AGBL4: variants seen among roughly 807,000 people sequenced by gnomAD.
AGBL4 encodes AGBL carboxypeptidase 4.
Under a neutral mutation model 66.4 loss-of-function variants are expected in AGBL4, and 58 were observed. The ratio of observed to expected loss-of-function variants is 0.87; its 90% CI spans 0.71 to 1.09. The LOEUF is 1.09. Ranked by LOEUF, AGBL4 falls within the 50% of genes least tolerant of loss-of-function variation. The pLI is 0.00. For missense variants in AGBL4, 579 were observed against 631.0 expected (o/e 0.92, Z 0.88); for synonymous variants, 234 against 222.9 (o/e 1.05, Z -0.44).
At chr1:49,527,291 A>G (rs1260722268) in intron 3 of AGBL4, 2 of 151,936 alleles carry the variant, frequency 1.3e-5, no homozygotes, top group African/African-American at 4.8e-5. Context: ...TGCACCTTAT[A>G]TCTTAGTCCC....
intron 4 of AGBL4, among the ~76,000 whole-genome samples, chr1:49,148,800 C>T (rs1163322830): frequency 6.6e-6 from 1 of 152,214 alleles, no homozygotes; most frequent in Non-Finnish European, 1.5e-5. Context: ...GATGTAGAGA[C>T]AATCAGATGC....
intron 1 of AGBL4, among the ~76,000 whole-genome samples, chr1:49,909,944 G>A (rs1650652914): frequency 6.6e-6 from 1 of 152,172 alleles, no homozygotes; most frequent in Admixed American, 6.5e-5. Flanking sequence ...GGGCATATAT[G>A]TTTGGGAAGC....
At chr1:49,404,418 G>A (rs1645152781) in intron 3 of AGBL4, among the ~76,000 whole-genome samples, 1 of 152,172 alleles carries the variant, frequency 6.6e-6, no homozygotes, top group Non-Finnish European at 1.5e-5. Flanking sequence ...CTGGAACTGT[G>A]AGAACATAAA....
intron 1 of AGBL4, among the ~76,000 whole-genome samples, chr1:49,970,097 T>C (rs6679727): frequency 0.95 from 144,816 of 152,268 alleles, 69,238 homozygotes; most frequent in East Asian, 1. Context: ...CAAAAATTAA[T>C]CCAAAAGTGG....
intron 3 of AGBL4, among the ~76,000 whole-genome samples, chr1:49,452,169 T>C (rs1646291843): frequency 6.6e-6 from 1 of 151,820 alleles, no homozygotes; most frequent in Non-Finnish European, 1.5e-5. Context: ...GGATTTCTCT[T>C]CAGCCCAAAT....
At chr1:49,795,483 G>T (rs1357063262) in intron 2 of AGBL4, among the ~76,000 whole-genome samples, 1 of 151,882 alleles carries the variant, frequency 6.6e-6, no homozygotes, top group Non-Finnish European at 1.5e-5. Context: ...AAAAATCACT[G>T]GTGTCCTGTG....
At chr1:49,992,553 A>G (rs1300920289) in intron 1 of AGBL4, among the ~76,000 whole-genome samples, 1 of 151,662 alleles carries the variant, frequency 6.6e-6, no homozygotes, top group Admixed American at 6.6e-5. Flanking sequence ...CTAGCTCCCA[A>G]TAACACAAAA....
In AGBL4 at chr1:49,440,104, C is replaced by T. The variant is rs988678137; in HGVS notation, c.283-194240G>A. 3.6e-5 allele frequency among the ~76,000 whole-genome samples: 5 copies of T among 138,836 alleles called. No homozygotes were observed. In the East Asian group the frequency reaches 1.0e-3, roughly 29 times the overall value. 91.1% of individuals were successfully genotyped at this position (138,836 alleles called of 152,430 possible). A position where few individuals can be genotyped will look rare whatever the true frequency, so the allele number is the denominator to read the frequency against. ...TTTTTTTTTGAGACAGAGTCTTGCT[C>T]TGTCACCCAGGCTGGAGTGCAGTGG... is the stretch of plus-strand genomic sequence containing the variant. On this transcript the variant is annotated intron_variant, in intron 3 of 13. Transcript: ENST00000371839.
rs534234725 is a variant in AGBL4 at position 48,618,239 on chromosome 1, C to T, written c.951+16254G>A. On this transcript the variant is annotated intron_variant, in intron 9 of 13. Transcript: ENST00000371839. The stretch of plus-strand genomic sequence containing the variant: ...CGAAACAAAACAATAATCCCTGTCT[C>T]ACAACGTTGCAATAAAGGGTCAAGT... Among the ~76,000 whole-genome samples the T allele has an allele frequency of 5.9e-5, 9 of 152,294 alleles. 1 individual carries two copies. The South Asian group carries it at 1.9e-3, about 32-fold the overall frequency.
chr1:49,842,047 T>C (rs1646007973), intron 2 of AGBL4: 1 of 379,390 alleles, frequency 2.6e-6, no homozygotes, highest in Non-Finnish European at 5.0e-6. Flanking sequence ...GCCTCCTCCT[T>C]GTGCCCAGCC....
chr1:48,768,260 G>A (rs866081068), intron 6 of AGBL4, among the ~76,000 whole-genome samples: 5 of 152,226 alleles, frequency 3.3e-5, no homozygotes, highest in Middle Eastern at 3.4e-3. Flanking sequence ...ATACTGTGAT[G>A]AATTCCCAAG....
intron 3 of AGBL4, among the ~76,000 whole-genome samples, chr1:49,470,242 T>G (rs542682113): frequency 6.6e-6 from 1 of 152,108 alleles, no homozygotes; most frequent in East Asian, 1.9e-4. Context: ...AATATCTATA[T>G]CAAATGTATA....
At chr1:48,553,742 T>G (rs1185494144) in intron 11 of AGBL4, among the ~76,000 whole-genome samples, 1 of 152,208 alleles carries the variant, frequency 6.6e-6, no homozygotes, top group Admixed American at 6.5e-5. Context: ...ATCTCTGCTC[T>G]AGGTCTGTGG....
intron 5 of AGBL4, among the ~76,000 whole-genome samples, chr1:48,947,570 A>G (rs1185207867): frequency 6.6e-6 from 1 of 152,224 alleles, no homozygotes; most frequent in Non-Finnish European, 1.5e-5. Flanking sequence ...ACTAACCTCA[A>G]CAGAATCCTT....
chr1:49,323,732 G>A (rs1484908386), intron 3 of AGBL4, among the ~76,000 whole-genome samples: 1 of 149,648 alleles, frequency 6.7e-6, no homozygotes, highest in Non-Finnish European at 1.5e-5. Context: ...TTGCACCACT[G>A]CACTCCAGCC....
chr1:48,986,882 C>T (rs547688518), intron 5 of AGBL4, among the ~76,000 whole-genome samples: 20 of 152,034 alleles, frequency 1.3e-4, no homozygotes, highest in African/African-American at 4.8e-4. Context: ...TCTTATACTA[C>T]ATATGAAGCA....
At position 49,610,390 on chromosome 1, in the gene AGBL4, A is replaced by G. The variant is rs374638998; in HGVS notation, c.282+86923T>C. Among the ~76,000 whole-genome samples the G allele has an allele frequency of 1.4e-3, 211 of 152,258 alleles. 1 individual carries two copies. The highest frequency in any genetic ancestry group is 4.8e-3 in the African/African-American group (198 of 41,562). On this transcript the variant is annotated intron_variant, in intron 3 of 13. Transcript: ENST00000371839. The stretch of plus-strand genomic sequence containing the variant: ...GTAGACTTTTCAGACTCCAAAATCC[A>G]TTTTTCAGAGGAAGTAACTCTTGAG...
chr1:49,726,390 A>G (rs1356215489), intron 2 of AGBL4, among the ~76,000 whole-genome samples: 1 of 152,190 alleles, frequency 6.6e-6, no homozygotes, highest in East Asian at 1.9e-4. Context: ...GCCATTAAAG[A>G]ATATTAAATA....
chr1:49,268,373 AG>A (rs1643971932), intron 3 of AGBL4: 1 of 151,540 alleles, frequency 6.6e-6, no homozygotes, highest in African/African-American at 2.4e-5. Flanking sequence ...TTCTAAACTC[AG>A]GCAAAACCAA....
Sources: gnomAD v4.1 joint callset for allele counts (sites outside exome capture counted in the v4.1 genomes callset) on GRCh38, gnomAD v4.1.1 for gene constraint, MANE v1.5 for transcripts, NCBI Gene and HGNC (gene_info 2026-07-23, HGNC 2026-07-21) for gene names.